The following UBE2L3 variants were observed in gnomAD, a reference collection of about 807,000 sequenced individuals.
The protein encoded by UBE2L3 is ubiquitin-conjugating enzyme E2 L3.
UBE2L3 carries 1 observed loss-of-function variant against 17.8 expected under a neutral mutation model. The observed-to-expected ratio is 0.06, with a 90% confidence interval of 0.02 to 0.27. The LOEUF is 0.27. Ranked by LOEUF, UBE2L3 falls within the 10% of genes least tolerant of loss-of-function variation. The pLI is 1.00. For synonymous variants in UBE2L3, 44 were observed against 68.5 expected, an observed-to-expected ratio of 0.64 and a Z score of 1.76; for missense variants, 40 against 192.6, an observed-to-expected ratio of 0.21 and a Z score of 4.69.
At chr22:21,562,115 C>T (rs1276438232) in intron 1 of UBE2L3, among the ~76,000 whole-genome samples, 2 of 151,900 alleles carry the variant, frequency 1.3e-5, no homozygotes, top group African/African-American at 2.4e-5. Flanking sequence ...CCCTCAACAC[C>T]GTCTGGTGTT....
chr22:21,591,368 C>G (rs538852628), intron 1 of UBE2L3, among the ~76,000 whole-genome samples: 1 of 152,278 alleles, frequency 6.6e-6, no homozygotes, highest in South Asian at 2.1e-4. Flanking sequence ...GGCCCAAGTC[C>G]AGGTGATTGT....
chr22:21,612,483 G>A (rs1340629070), intron 3 of UBE2L3, among the ~76,000 whole-genome samples: 6 of 150,428 alleles, frequency 4.0e-5, no homozygotes, highest in Non-Finnish European at 5.9e-5. Context: ...CCGCCACCAC[G>A]CCCGGCTAAT....
At chr22:21,565,754 CAAAAAAAAAAAAAAAA>C (rs131662), upstream of UBE2L3, among the ~76,000 whole-genome samples, 2 of 30,284 alleles carry the variant, frequency 6.6e-5, no homozygotes, top group South Asian at 2.2e-3. Context: ...AACTGTGTCT[CAAAAAAAAAAAAAAAA>C]AAAAAAAAAA....
In UBE2L3 at chr22:21,601,967, CAA is replaced by C. The variant is rs781689880; in HGVS notation, c.124-8873_124-8872del. On this transcript the variant is annotated intron_variant, in intron 2 of 3. Coordinates refer to ENST00000342192, the MANE Select transcript of UBE2L3 (RefSeq NM_003347.4). ...AGCCTCAGCGACAGAGACTCCATCT[CAA>C]AAAAAAAAAAAAAAAAGACAAACCA... Among the ~76,000 whole-genome samples the C allele has an allele frequency of 3.3e-3, 341 of 104,450 alleles. 2 individuals carry two copies. Among genetic ancestry groups the C allele is most frequent in the Middle Eastern group, 0.011 (2 of 174 alleles). The allele number at this position is 104,450 out of a possible 152,430, so 68.5% of individuals were successfully genotyped here.
At chr22:21,584,476 C>T (rs1180363331) in intron 1 of UBE2L3, among the ~76,000 whole-genome samples, 3 of 151,712 alleles carry the variant, frequency 2.0e-5, no homozygotes, top group East Asian at 1.9e-4. Flanking sequence ...CACCCGGCCT[C>T]GGCCTAAATT....
Position 21,597,783 on chromosome 22 carries a change from T to TTTGTTTTG in UBE2L3, c.123+4829_123+4830insGTTTTGTT, listed in dbSNP as rs1213410947. ...GATCCATTTATATGTAGATTTTTTTTTTTTTTTTTTTTTTTTTTTTTTTTG... is the reference window on the plus strand; with the variant it reads ...GATCCATTTATATGTAGATTTTTTTTTTGTTTTGTTTTTTTTTTTTTTTTTTTTTTTTG... On this transcript the variant is annotated intron_variant, in intron 2 of 3. Coordinates refer to ENST00000342192, the MANE Select transcript of UBE2L3 (RefSeq NM_003347.4). Among the ~76,000 whole-genome samples the TTTGTTTTG allele has an allele frequency of 3.5e-5, 3 of 86,726 alleles. No homozygotes were observed. The East Asian group carries it at 1.1e-3, about 32-fold the overall frequency. The allele number at this position is 86,726 out of a possible 152,430, so 56.9% of individuals were successfully genotyped here.
chr22:21,618,216 G>GAA (rs1362813543), intron 3 of UBE2L3, among the ~76,000 whole-genome samples: 1 of 150,896 alleles, frequency 6.6e-6, no homozygotes, highest in Non-Finnish European at 1.5e-5. Flanking sequence ...TCAAATTAGT[G>GAA]AAACTATAAA....
chr22:21,612,361 C>G (rs1279586249), intron 3 of UBE2L3, among the ~76,000 whole-genome samples: 2 of 152,122 alleles, frequency 1.3e-5, no homozygotes, highest in Non-Finnish European at 2.9e-5. Context: ...GAGTCTCGCT[C>G]TGTCACCAGG....
intron 1 of UBE2L3, among the ~76,000 whole-genome samples, chr22:21,568,585 C>A (rs565803972): frequency 1.3e-5 from 2 of 152,182 alleles, no homozygotes; most frequent in African/African-American, 2.4e-5. Flanking sequence ...CAGCAGGGTG[C>A]TTTCTCGCTA....
At chr22:21,555,904 C>T (rs113539230) in intron 1 of UBE2L3, among the ~76,000 whole-genome samples, 2 of 152,282 alleles carry the variant, frequency 1.3e-5, no homozygotes, top group Non-Finnish European at 2.9e-5. Context: ...TGCACTCCAG[C>T]CTGGGCAACA....
At chr22:21,598,033 T>C (rs1202632877) in intron 2 of UBE2L3, among the ~76,000 whole-genome samples, 1 of 150,012 alleles carries the variant, frequency 6.7e-6, no homozygotes, top group East Asian at 2.0e-4. Context: ...ACTCCTAGAC[T>C]CAAGTGATCC....
chr22:21,600,106 G>A (rs909158655), intron 2 of UBE2L3, among the ~76,000 whole-genome samples: 1 of 152,010 alleles, frequency 6.6e-6, no homozygotes, highest in Non-Finnish European at 1.5e-5. Context: ...GAGGTCAGGA[G>A]TTTGAGACCA....
chr22:21,579,458 A>T (rs573238667), intron 1 of UBE2L3, among the ~76,000 whole-genome samples: 96 of 152,230 alleles, frequency 6.3e-4, no homozygotes, highest in Non-Finnish European at 1.2e-3. Context: ...GATTTTCAGT[A>T]TATTGAATTA....
chr22:21,618,755 T>G (rs182609303), intron 3 of UBE2L3, among the ~76,000 whole-genome samples: 40 of 152,024 alleles, frequency 2.6e-4, no homozygotes, highest in African/African-American at 8.2e-4. Flanking sequence ...AACCGGCTAA[T>G]TTTATTTTTT....
chr22:21,619,693 T>C (rs1009449873), intron 3 of UBE2L3, among the ~76,000 whole-genome samples: 1 of 152,066 alleles, frequency 6.6e-6, no homozygotes, highest in African/African-American at 2.4e-5. Context: ...AGCATTTTGT[T>C]TTATTTATTT....
chr22:21,621,368 G>T, intron 3 of UBE2L3, 147 bp from the exon 4 acceptor site: 1 of 996,914 alleles, frequency 1.0e-6, no homozygotes, highest in Non-Finnish European at 1.4e-6. Flanking sequence ...TCAGAATTTT[G>T]GATAAATAGG....
Position 21,605,291 on chromosome 22 carries a change from C to T in UBE2L3, c.124-5566C>T, listed in dbSNP as rs192553300. Reference sequence around the variant, plus strand: ...TCACTGCAGCGGTGTGATCTTGGCTCACTGCAGCCGGTGCCTCCTGGGTTC... The same window carrying T: ...TCACTGCAGCGGTGTGATCTTGGCTTACTGCAGCCGGTGCCTCCTGGGTTC... On this transcript the variant is annotated intron_variant, in intron 2 of 3. Transcript: ENST00000342192. 2.5e-3 allele frequency among the ~76,000 whole-genome samples: 381 copies of T among 152,230 alleles called. 2 individuals carry two copies. The highest frequency in any genetic ancestry group is 8.8e-3 in the African/African-American group (365 of 41,542).
intron 2 of UBE2L3, among the ~76,000 whole-genome samples, chr22:21,605,257 A>G (rs1929090838): frequency 6.6e-6 from 1 of 152,160 alleles, no homozygotes; most frequent in Non-Finnish European, 1.5e-5. Flanking sequence ...GCAGTGGTGC[A>G]GTCTTGGCTC....
At position 21,616,464 on chromosome 22, in the gene UBE2L3, C is replaced by T. The variant is rs572935269; in HGVS notation, c.311-5051C>T. ...AAGAGATCCAGACCATCCTGGCCAA[C>T]GTGGTGAAACCCCGTCCCTACTAAA... On this transcript the variant is annotated intron_variant, in intron 3 of 3. Transcript: ENST00000342192. Among the ~76,000 whole-genome samples, 7 of 152,158 alleles carry T rather than the reference C, an allele frequency of 4.6e-5. No homozygotes were observed. The East Asian group carries it at 1.4e-3, about 29-fold the overall frequency.
Sources: gnomAD v4.1 joint callset for allele counts (sites outside exome capture counted in the v4.1 genomes callset) on GRCh38, gnomAD v4.1.1 for gene constraint, MANE v1.5 for transcripts, NCBI Gene and HGNC (gene_info 2026-07-23, HGNC 2026-07-21) for gene names.